MICU3: variants seen among roughly 807,000 people sequenced by gnomAD.
MICU3 encodes the protein calcium uptake protein 3, mitochondrial.
In MICU3, 62 loss-of-function variants were observed where a neutral mutation model predicts 66.5. The observed-to-expected ratio is 0.93, with a 90% confidence interval of 0.76 to 1.15. The LOEUF (loss-of-function observed/expected upper bound fraction) is 1.15. Among genes scored for constraint, MICU3 ranks in the 50% most tolerant of loss-of-function variants. The pLI, the probability that MICU3 is intolerant of heterozygous loss-of-function variation, is 0.00. For synonymous variants in MICU3, 308 were observed against 240.7 expected, an observed-to-expected ratio of 1.28 and a Z score of -2.59; for missense variants, 779 against 664.4, an observed-to-expected ratio of 1.17 and a Z score of -1.90.
At chr8:17,136,198 A>G in the MICU3 span, among the ~76,000 whole-genome samples, 1 of 152,124 alleles carries the variant, frequency 6.6e-6, no homozygotes, top group African/African-American at 2.4e-5. Context: ...TATTTCCCTA[A>G]GAGTTTTCTT....
At chr8:17,068,941 G>A (rs1301056053) in intron 2 of MICU3, among the ~76,000 whole-genome samples, 7 of 152,128 alleles carry the variant, frequency 4.6e-5, no homozygotes, top group East Asian at 1.9e-4. Flanking sequence ...TCTTAGGCAG[G>A]CATTAAATAT....
At chr8:17,105,785 C>T (rs977447889) in intron 11 of MICU3, among the ~76,000 whole-genome samples, 4 of 151,896 alleles carry the variant, frequency 2.6e-5, no homozygotes. Context: ...CCACATTTTT[C>T]TTAGGTATTT....
At position 17,027,312 on chromosome 8, in the gene MICU3, A is replaced by C. The variant is rs1414869534; in HGVS notation, c.33A>C (p.Pro11=). 1.5e-6 allele frequency: 2 copies of C among 1,359,336 alleles called. No homozygotes were observed. The highest frequency in any genetic ancestry group is 1.6e-5 in the African/African-American group (1 of 62,316). 84.2% of individuals were successfully genotyped at this position (1,359,336 alleles called of 1,614,324 possible). A position where few individuals can be genotyped will look rare whatever the true frequency, so the allele number is the denominator to read the frequency against. ...CGCTGCGAAGGCTCTTGTGGCCGCC[A>C]CCCCGGGTGTCTCCTCCACTCTGCG... The part of the protein sequence containing the change: MAALRRLLWP[P]PRVSPPLCAH... The change falls in exon 1 of 15, where the codon CCA becomes CCC. Residue 11 remains proline, a synonymous_variant. Coordinates refer to ENST00000318063, the MANE Select transcript of MICU3 (RefSeq NM_181723.3).
intron 1 of MICU3, among the ~76,000 whole-genome samples, chr8:17,038,952 CAAA>C (rs57441494): frequency 8.3e-6 from 1 of 120,146 alleles, no homozygotes; most frequent in Non-Finnish European, 1.9e-5. Flanking sequence ...GACTCTGTCT[CAAA>C]AAAAAAAAAA....
At chr8:17,102,739 A>T (rs1180070499) in intron 9 of MICU3, 1 of 152,080 alleles carries the variant, frequency 6.6e-6, no homozygotes, top group East Asian at 1.9e-4. Flanking sequence ...AGTATGTGAC[A>T]CTTGGCTACC....
intron 8 of MICU3, among the ~76,000 whole-genome samples, chr8:17,097,164 G>A (rs756558210): frequency 2.6e-5 from 4 of 151,526 alleles, no homozygotes; most frequent in African/African-American, 4.8e-5. Context: ...CTTTTAAAAC[G>A]CATCCACATT....
chr8:17,066,676 G>A (rs897597632), intron 2 of MICU3, among the ~76,000 whole-genome samples: 9 of 150,806 alleles, frequency 6.0e-5, no homozygotes, highest in African/African-American at 2.2e-4. Context: ...CCAAGTAGCT[G>A]GGACTACAGG....
intron 9 of MICU3, among the ~76,000 whole-genome samples, chr8:17,102,230 G>A (rs866399080): frequency 8.6e-5 from 13 of 151,560 alleles, no homozygotes; most frequent in Non-Finnish European, 1.5e-4. Context: ...AGACAGAGGC[G>A]CCTCTACTCT....
At position 17,048,721 on chromosome 8, in the gene MICU3, T is replaced by C. The variant is rs570211369; in HGVS notation, c.382-15363T>C. On this transcript the variant is annotated intron_variant, in intron 1 of 14. Coordinates refer to ENST00000318063, the MANE Select transcript of MICU3 (RefSeq NM_181723.3). ...GCCCCAACCTCCTGGGCTCAAGATA[T>C]CCTCTTGCCTCCGCTTCCTGAGTAG... 6.6e-5 allele frequency among the ~76,000 whole-genome samples: 10 copies of C among 152,268 alleles called. No individual in the cohort carries two copies. In the East Asian group the frequency reaches 1.9e-3, roughly 29 times the overall value.
chr8:17,046,661 A>T (rs893450334), intron 1 of MICU3, among the ~76,000 whole-genome samples: 1 of 152,082 alleles, frequency 6.6e-6, no homozygotes. Flanking sequence ...TTTAGTGCTC[A>T]TGTGGGGACA....
chr8:17,054,738 CTTTT>C (rs559605289), intron 1 of MICU3, among the ~76,000 whole-genome samples: 107 of 122,734 alleles, frequency 8.7e-4, no homozygotes, highest in African/African-American at 2.5e-3. Context: ...TTCTTTCTTT[CTTTT>C]TTTTTTTTTT....
At chr8:17,113,686 A>G (rs1029210248) in intron 11 of MICU3, among the ~76,000 whole-genome samples, 1 of 152,198 alleles carries the variant, frequency 6.6e-6, no homozygotes, top group African/African-American at 2.4e-5. Flanking sequence ...TGAGGAATAC[A>G]TGTGCAGGGG....
chr8:17,098,220 C>T (rs905045521), intron 8 of MICU3, among the ~76,000 whole-genome samples: 7 of 151,472 alleles, frequency 4.6e-5, no homozygotes, highest in Middle Eastern at 3.2e-3. Flanking sequence ...TGATTCTTTT[C>T]GACAAAGCTA....
chr8:17,035,282 G>A (rs1329185133), intron 1 of MICU3, among the ~76,000 whole-genome samples: 6 of 152,174 alleles, frequency 3.9e-5, no homozygotes, highest in Non-Finnish European at 1.5e-5. Flanking sequence ...AATGGATACT[G>A]GTAGAGGGGG....
intron 1 of MICU3, among the ~76,000 whole-genome samples, chr8:17,029,678 C>G (rs1055751542): frequency 6.6e-6 from 1 of 152,068 alleles, no homozygotes; most frequent in African/African-American, 2.4e-5. Flanking sequence ...CTTTTATGAT[C>G]TGTTTATCCC....
At chr8:17,109,479 G>T (rs1207209587) in intron 11 of MICU3, among the ~76,000 whole-genome samples, 1 of 152,174 alleles carries the variant, frequency 6.6e-6, no homozygotes, top group Non-Finnish European at 1.5e-5. Flanking sequence ...CTATAGAATA[G>T]AATAAGGTGC....
chr8:17,046,047 T>C (rs1037868392), intron 1 of MICU3, among the ~76,000 whole-genome samples: 4 of 152,208 alleles, frequency 2.6e-5, no homozygotes, highest in African/African-American at 2.4e-5. Context: ...TCCTTTATAA[T>C]AAGCCGATAA....
At chr8:17,127,226 C>T (rs1393785894), downstream of MICU3, among the ~76,000 whole-genome samples, 1 of 152,006 alleles carries the variant, frequency 6.6e-6, no homozygotes, top group African/African-American at 2.4e-5. Flanking sequence ...TTTTTTATGC[C>T]ATTGCTCTTT....
chr8:17,105,085 T>A (rs553889219), intron 10 of MICU3, among the ~76,000 whole-genome samples: 11 of 151,848 alleles, frequency 7.2e-5, no homozygotes, highest in Non-Finnish European at 1.5e-4. Context: ...TGTTGCCAAT[T>A]CCTTGTCTCA....
Sources: allele counts gnomAD v4.1 joint callset (sites outside exome capture counted in the v4.1 genomes callset), GRCh38; gene constraint gnomAD v4.1.1; transcripts MANE v1.5; gene names NCBI Gene and HGNC (gene_info 2026-07-23, HGNC 2026-07-21).